The following ATN1 variants were observed in gnomAD, a reference collection of about 807,000 sequenced individuals.
ATN1 encodes atrophin 1.
Under a neutral mutation model 85.8 loss-of-function variants are expected in ATN1, and 19 were observed. The ratio of observed to expected loss-of-function variants is 0.22; its 90% CI spans 0.15 to 0.32. The LOEUF (loss-of-function observed/expected upper bound fraction) is 0.32, where lower values mean the gene tolerates loss of function less well. Among genes scored for constraint, ATN1 ranks in the 10% least tolerant of loss-of-function variants. The probability of loss-of-function intolerance (pLI) is 1.00; values close to 1 mark genes in which losing one functional copy is unlikely to be tolerated. For synonymous variants in ATN1, 674 were observed against 657.0 expected (o/e 1.03, Z -0.39); for missense variants, 1,453 against 1,564.5 (o/e 0.93, Z 1.20).
intron 7 of ATN1, among the ~76,000 whole-genome samples, 162 bp downstream of exon 7, chr12:6,939,339 T>G (rs1190587829): frequency 6.6e-6 from 1 of 152,222 alleles, no homozygotes; most frequent in African/African-American, 2.4e-5. Context: ...TCTCTCAGCC[T>G]TGTCTTCTCA....
In ATN1 at chr12:6,936,861, A is replaced by T. The variant is rs1393628970; in HGVS notation, c.1594A>T (p.Met532Leu). ...CTCCCACCACGCACACCCTTACGCC[A>T]TGTCTCCCTCCCTGGGGTCTCTGAG... Reference protein sequence around the residue: ...GSSHHAHPYAMSPSLGSLRPY... With the variant: ...GSSHHAHPYALSPSLGSLRPY... Residue 532 changes from methionine (M) to leucine (L), a missense_variant, in exon 5 of 10, where the codon ATG becomes TTG. Around this residue, in one of 6 missense-constraint regions of ATN1, gnomAD observed 990 missense variants for 914.8 expected, o/e 1.08. Coordinates refer to ENST00000396684, the MANE Select transcript of ATN1 (RefSeq NM_001940.4). The T allele has an allele frequency of 6.2e-7, 1 of 1,613,662 alleles. No individual in the cohort carries two copies.
rs782384842 is a variant in ATN1 at position 6,936,931 on chromosome 12, A to T, written c.1664A>T (p.Gln555Leu). 9.3e-6 allele frequency: 15 copies of T among 1,613,784 alleles called. No homozygotes were observed. In the South Asian group the frequency reaches 1.5e-4, roughly 17 times the overall value. ...GPAHLPPPHS[Q>L]VSYSQAGPNG... Reference sequence around the variant, plus strand: ...GCACACCTGCCCCCACCTCACAGCCAGGTGTCCTACAGCCAAGCAGGCCCC... The same window carrying T: ...GCACACCTGCCCCCACCTCACAGCCTGGTGTCCTACAGCCAAGCAGGCCCC... Residue 555 changes from glutamine to leucine, a missense_variant, in exon 5 of 10, where the codon CAG becomes CTG. Physicochemically the swap from Gln to Leu is moderately radical, Grantham distance 113. Coordinates refer to ENST00000396684, the MANE Select transcript of ATN1 (RefSeq NM_001940.4).
chr12:6,936,200 C>T lies in ATN1; in HGVS notation c.933C>T (p.Asn311=), dbSNP rs781826497. 5.7e-6 allele frequency: 9 copies of T among 1,589,550 alleles called. No individual in the cohort carries two copies. In the South Asian group the frequency reaches 9.2e-5, roughly 16 times the overall value. ...LPPPPALRPL[N]NASASPPGLG... ...CCCCACCTGCCCTGAGACCCCTCAA[C>T]AATGCATCAGCCTCTCCCCCTGGCC... The change falls in exon 5 of 10, where the codon AAC becomes AAT. Residue 311 remains asparagine, a synonymous_variant. Transcript: ENST00000396684.
At position 6,937,586 on chromosome 12, in the gene ATN1, T is replaced by A. The variant is rs781785605; in HGVS notation, c.2294+25T>A. ...GGTGAGCGGCCAGGTGGGGCGGAGG[T>A]GGGCCTGGAAAGGGGACGACGACAA... is the stretch of plus-strand genomic sequence containing the variant. On this transcript the variant is annotated intron_variant, in intron 5 of 9. Transcript: ENST00000396684. The surrounding 1 kb of genome is among the most constrained non-coding windows in gnomAD (Gnocchi z 6.0). 1 of 1,468,864 alleles carries A rather than the reference T, an allele frequency of 6.8e-7. No homozygotes were observed. The highest frequency in any genetic ancestry group is 9.0e-7 in the Non-Finnish European group (1 of 1,111,868). 91.0% of individuals were successfully genotyped at this position (1,468,864 alleles called of 1,614,324 possible).
At position 6,938,022 on chromosome 12, in the gene ATN1, G is replaced by A; in HGVS notation, c.2472G>A (p.Glu824=). Residue 824 remains glutamate (E), a synonymous_variant, in exon 6 of 10, where the codon GAG becomes GAA. Coordinates refer to ENST00000396684, the MANE Select transcript of ATN1 (RefSeq NM_001940.4). ...AGCGCGAGCGCGAGCGGGAACGCGA[G>A]AAAGAGCGCGAGCGCGAGAAGGAGC... ...EKERERERER[E]KEREREKERE... The A allele has an allele frequency of 1.3e-6, 2 of 1,546,532 alleles. No homozygotes were observed. The highest frequency in any genetic ancestry group is 1.7e-6 in the Non-Finnish European group (2 of 1,146,320).
intron 6 of ATN1, 94 bp downstream of exon 6, chr12:6,938,161 G>A (rs781999248): frequency 6.9e-7 from 1 of 1,444,704 alleles, no homozygotes; most frequent in South Asian, 1.5e-5. Flanking sequence ...CGGGGCTGTG[G>A]CTGGGTGGGC....
chr12:6,941,861 T>C lies in ATN1; in HGVS notation c.*81T>C. On this transcript the variant is annotated 3_prime_UTR_variant, in exon 10 of 10. Transcript: ENST00000396684. The surrounding 1 kb of genome is among the most constrained non-coding windows in gnomAD (Gnocchi z 5.9). ...CCCTCCCCCCACCGTGCCCTTGGCC[T>C]GCCACCCAGAGCCAAGAGGGTGCTG... 1 of 1,442,240 alleles carries C rather than the reference T, an allele frequency of 6.9e-7. No homozygotes were observed. The highest frequency in any genetic ancestry group is 9.7e-7 in the Non-Finnish European group (1 of 1,025,830). 89.3% of individuals were successfully genotyped at this position (1,442,240 alleles called of 1,614,324 possible). A position where few individuals can be genotyped will look rare whatever the true frequency, so the allele number is the denominator to read the frequency against.
Position 6,941,615 on chromosome 12 carries a change from G to A in ATN1, c.3539+61G>A. The A allele has an allele frequency of 6.2e-7, 1 of 1,604,314 alleles. No homozygotes were observed. Among genetic ancestry groups the A allele is most frequent in the South Asian group, 1.1e-5 (1 of 90,864 alleles). ...TCAGCGAGCCTGGGAGGAGCTGTGG[G>A]CATGGTACGGCTGGGCACCGTGCTC... On this transcript the variant is annotated intron_variant, in intron 9 of 9. Coordinates refer to ENST00000396684, the MANE Select transcript of ATN1 (RefSeq NM_001940.4). The surrounding 1 kb of genome is among the most constrained non-coding windows in gnomAD (Gnocchi z 5.9).
chr12:6,936,433 G>C lies in ATN1; in HGVS notation c.1166G>C (p.Ser389Thr), dbSNP rs1167047406. ...SSSSAAASSS[S>T]SSSSSSASPF... is the part of the protein sequence containing the mutation. ...AGCTCTGCAGCAGCCTCCTCTTCCA[G>C]TTCTTCCTCCTCTTCCTCTGCCTCC... The change falls in exon 5 of 10, where the codon AGT becomes ACT. Residue 389 changes from serine (S) to threonine (T), a missense_variant. Ser to Thr is a moderately conservative substitution (Grantham distance 58). Transcript: ENST00000396684. The C allele has an allele frequency of 6.2e-7, 1 of 1,611,862 alleles. No individual in the cohort carries two copies. Among genetic ancestry groups the C allele is most frequent in the African/African-American group, 1.3e-5 (1 of 74,560 alleles).
chr12:6,938,294 G>C (rs1176863005), intron 6 of ATN1, among the ~76,000 whole-genome samples, 187 bp from the exon 7 acceptor site: 1 of 152,208 alleles, frequency 6.6e-6, no homozygotes, highest in Non-Finnish European at 1.5e-5. Context: ...GCTCAGATGG[G>C]ACTACCTGTG....
In ATN1 at chr12:6,940,917, C is replaced by T. The variant is rs782010395; in HGVS notation, c.3252C>T (p.Ala1084=). Residue 1084 remains alanine, a synonymous_variant, in exon 8 of 10, where the codon GCC becomes GCT. Coordinates refer to ENST00000396684, the MANE Select transcript of ATN1 (RefSeq NM_001940.4). ...TGCACCCTCTCATTGACCCCCTGGC[C>T]TCAGGGTCTCACCTTACCCGGATCC... The part of the protein sequence containing the change: ...ASVHPLIDPL[A]SGSHLTRIPY... 3 of 1,614,090 alleles carry T rather than the reference C, an allele frequency of 1.9e-6. No individual in the cohort carries two copies. The highest frequency in any genetic ancestry group is 1.7e-5 in the Admixed American group (1 of 60,006).
chr12:6,937,932 G>A lies in ATN1; in HGVS notation c.2382G>A (p.Lys794=), dbSNP rs1009827033. Residue 794 remains lysine, a synonymous_variant, in exon 6 of 10, where the codon AAG becomes AAA. Transcript: ENST00000396684. This position sits in a 1 kb window ranked among gnomAD's most constrained non-coding sequence, Gnocchi z 6.0. ...CACTGGAGGGCTCCAAGCTGGCCAA[G>A]AAGCGGGCCGACCTGGTGGAGAAGG... is the stretch of plus-strand genomic sequence containing the variant. ...FVPLEGSKLA[K]KRADLVEKVR... The A allele has an allele frequency of 6.3e-7, 1 of 1,590,472 alleles. No homozygotes were observed. The highest frequency in any genetic ancestry group is 8.6e-7 in the Non-Finnish European group (1 of 1,169,136).
At position 6,939,068 on chromosome 12, in the gene ATN1, C is replaced by A; in HGVS notation, c.3105C>A (p.Gly1035=). 1 of 1,604,520 alleles carries A rather than the reference C, an allele frequency of 6.2e-7. No individual in the cohort carries two copies. The change falls in exon 7 of 10, where the codon GGC becomes GGA. Residue 1035 remains glycine (G), a synonymous_variant. Transcript: ENST00000396684. ...ACGCAGAAAGGGTGGCGGCCCTGGG[C>A]AATGACCCACTGGCCCGGCTGCAGA... ...RQHAERVAAL[G]NDPLARLQML...
chr12:6,925,972 A>G (rs2138195759), upstream of ATN1, among the ~76,000 whole-genome samples: 1 of 152,020 alleles, frequency 6.6e-6, no homozygotes, highest in East Asian at 1.9e-4. Flanking sequence ...TGGCCTTCCC[A>G]ATTTCTGCTG....
upstream of ATN1, among the ~76,000 whole-genome samples, chr12:6,925,771 C>T (rs782728455): frequency 7.2e-5 from 11 of 152,316 alleles, no homozygotes; most frequent in African/African-American, 2.6e-4. Flanking sequence ...TGAGCTGCTC[C>T]AGAGCTAACC....
At chr12:6,926,047 G>A (rs1450033430), upstream of ATN1, among the ~76,000 whole-genome samples, 1 of 152,210 alleles carries the variant, frequency 6.6e-6, no homozygotes, top group Non-Finnish European at 1.5e-5. Flanking sequence ...CCAGGAGGGA[G>A]CCCAGGAGAA....
At position 6,934,425 on chromosome 12, in the gene ATN1, G is replaced by C. The variant is rs1555143336; in HGVS notation, c.166-40G>C. ...CAGAGGGTAACGGTGGAGCTCGGGAGGTAGGGAAAAGACAGGAATTTTCTC... is the reference window on the plus strand; with the variant it reads ...CAGAGGGTAACGGTGGAGCTCGGGACGTAGGGAAAAGACAGGAATTTTCTC... On this transcript the variant is annotated intron_variant, in intron 3 of 9. Coordinates refer to ENST00000396684, the MANE Select transcript of ATN1 (RefSeq NM_001940.4). The surrounding 1 kb of genome is among the most constrained non-coding windows in gnomAD (Gnocchi z 4.5). The C allele has an allele frequency of 6.2e-7, 1 of 1,604,918 alleles. No homozygotes were observed. Among genetic ancestry groups the C allele is most frequent in the Middle Eastern group, 1.7e-4 (1 of 5,934 alleles).
At position 6,937,601 on chromosome 12, in the gene ATN1, G is replaced by C; in HGVS notation, c.2294+40G>C. ...GGGGCGGAGGTGGGCCTGGAAAGGG[G>C]ACGACGACAAGGCGGCGACGAGAGA... On this transcript the variant is annotated intron_variant, in intron 5 of 9. Coordinates refer to ENST00000396684, the MANE Select transcript of ATN1 (RefSeq NM_001940.4). This position sits in a 1 kb window ranked among gnomAD's most constrained non-coding sequence, Gnocchi z 6.0. 1 of 1,460,822 alleles carries C rather than the reference G, an allele frequency of 6.8e-7. No homozygotes were observed. Among genetic ancestry groups the C allele is most frequent in the South Asian group, 1.4e-5 (1 of 71,520 alleles). 90.5% of individuals were successfully genotyped at this position (1,460,822 alleles called of 1,614,324 possible).
Position 6,940,925 on chromosome 12 carries a change from C to T in ATN1, c.3260C>T (p.Ser1087Phe). The change falls in exon 8 of 10, where the codon TCT becomes TTT. Residue 1087 changes from serine to phenylalanine, a missense_variant. Transcript: ENST00000396684. The stretch of plus-strand genomic sequence containing the variant: ...CTCATTGACCCCCTGGCCTCAGGGT[C>T]TCACCTTACCCGGATCCCCTACCCA... ...HPLIDPLASG[S>F]HLTRIPYPAG... 1 of 1,614,224 alleles carries T rather than the reference C, an allele frequency of 6.2e-7. No homozygotes were observed. Among genetic ancestry groups the T allele is most frequent in the Non-Finnish European group, 8.5e-7 (1 of 1,180,030 alleles).
Sources: gnomAD v4.1 joint callset for allele counts (sites outside exome capture counted in the v4.1 genomes callset) on GRCh38, gnomAD v4.1.1 for gene constraint, gnomAD v4.1.1 regional missense constraint, Gnocchi (gnomAD v3.1) non-coding constraint, MANE v1.5 for transcripts, NCBI Gene and HGNC (gene_info 2026-07-23, HGNC 2026-07-21) for gene names.